Variants in TENM1 observed in about 807,000 individuals in gnomAD.
The protein encoded by TENM1 is teneurin transmembrane protein 1, also known as teneurin-1.
Under a neutral mutation model 174.8 loss-of-function variants are expected in TENM1, and 35 were observed. That is an observed-to-expected ratio of 0.20 (90% CI 0.15 to 0.27). The LOEUF (loss-of-function observed/expected upper bound fraction) is 0.27, where lower values mean the gene tolerates loss of function less well. Ranked by LOEUF, TENM1 falls within the 10% of genes least tolerant of loss-of-function variation. The pLI, the probability that TENM1 is intolerant of heterozygous loss-of-function variation, is 1.00. For synonymous variants in TENM1, 781 were observed against 798.7 expected (o/e 0.98, Z 0.37); for missense variants, 1,633 against 2,130.1 (o/e 0.77, Z 4.59).
At chrX:124,377,767 G>A (rs2060117804) in exon 32 of TENM1, 1 of 111,863 alleles carries the variant, frequency 8.9e-6, no homozygotes, top group Non-Finnish European at 1.9e-5. Context: ...TCAGCCATCT[G>A]TCTGCTGGGT....
chrX:124,432,845 G>A (rs1463329476), intron 23 of TENM1, among the ~76,000 whole-genome samples: 4 of 112,334 alleles, frequency 3.6e-5, no homozygotes, highest in Non-Finnish European at 5.6e-5. Flanking sequence ...AAGTGTGGAA[G>A]CACCCACACT....
chrX:124,572,717 C>G (rs1170032532), intron 11 of TENM1, among the ~76,000 whole-genome samples: 1 of 110,602 alleles, frequency 9.0e-6, no homozygotes, highest in Non-Finnish European at 1.9e-5. Flanking sequence ...CAATAGCATG[C>G]CTAGATATTG....
Position 124,520,795 on chromosome X carries a change from A to C in TENM1, c.3034-11T>G. ...TTCCTCCTGTACAACCTGAAATAAA[A>C]AAAAAAAAAAAAAGCCAAATAGGCT... On this transcript the variant is annotated splice_polypyrimidine_tract_variant and intron_variant, in intron 17 of 31. Coordinates refer to ENST00000422452, the Ensembl canonical transcript of TENM1. The C allele has an allele frequency of 1.1e-6, 1 of 921,412 alleles. No individual in the cohort carries two copies. Among genetic ancestry groups the C allele is most frequent in the Non-Finnish European group, 1.4e-6 (1 of 706,990 alleles). The allele number at this position is 921,412 out of a possible 1,213,427, so 75.9% of individuals were successfully genotyped here.
the TENM1 span, among the ~76,000 whole-genome samples, chrX:125,183,478 T>C: frequency 1.8e-5 from 2 of 111,983 alleles, no homozygotes; most frequent in East Asian, 2.8e-4. Flanking sequence ...AGGTGCCAGA[T>C]TGAAAGCATT....
intron 3 of TENM1, among the ~76,000 whole-genome samples, chrX:124,860,291 G>A (rs940752526): frequency 8.9e-6 from 1 of 111,747 alleles, no homozygotes; most frequent in Non-Finnish European, 1.9e-5. Flanking sequence ...TCTTATACCA[G>A]CTGGCAAGTT....
the TENM1 span, among the ~76,000 whole-genome samples, chrX:125,077,219 C>A: frequency 9.0e-6 from 1 of 111,187 alleles, no homozygotes. Flanking sequence ...TTTTAAACAG[C>A]ATCTTACCTT....
chrX:124,706,981 G>A (rs2052922935), intron 4 of TENM1, among the ~76,000 whole-genome samples: 1 of 93,475 alleles, frequency 1.1e-5, no homozygotes, highest in South Asian at 5.2e-4. Context: ...ACGGAGTCTC[G>A]CTGTCACCCA....
At chrX:124,746,820 A>C (rs1030143682) in intron 3 of TENM1, among the ~76,000 whole-genome samples, 1 of 110,952 alleles carries the variant, frequency 9.0e-6, no homozygotes, top group Admixed American at 9.7e-5. Context: ...CTAGTGGATC[A>C]AGTGAAATGT....
At chrX:124,666,430 C>G (rs759325129) in intron 6 of TENM1, among the ~76,000 whole-genome samples, 4 of 111,713 alleles carry the variant, frequency 3.6e-5, no homozygotes, top group Non-Finnish European at 5.6e-5. Flanking sequence ...AAGAAATTCC[C>G]CAACCTTTTG....
chrX:125,108,703 A>G, the TENM1 span, among the ~76,000 whole-genome samples: 1 of 108,266 alleles, frequency 9.2e-6, no homozygotes, highest in East Asian at 2.9e-4. Context: ...TCTCAAAAAA[A>G]AGGGCTTTAA....
exon 8 of TENM1, chrX:124,652,018 T>C (rs2051321172): frequency 8.3e-7 from 1 of 1,211,892 alleles, no homozygotes; most frequent in Non-Finnish European, 1.1e-6. Flanking sequence ...ACCTGTCTCC[T>C]GAAGCGAAGT....
the TENM1 span, among the ~76,000 whole-genome samples, chrX:125,154,204 A>G: frequency 9.0e-6 from 1 of 110,671 alleles, no homozygotes; most frequent in Non-Finnish European, 1.9e-5. Context: ...ATTTGGAGCC[A>G]ATATACACTA....
intron 3 of TENM1, among the ~76,000 whole-genome samples, chrX:124,820,057 G>A (rs1285763731): frequency 1.8e-5 from 2 of 110,731 alleles, no homozygotes; most frequent in African/African-American, 6.6e-5. Flanking sequence ...AAAGCGCTGG[G>A]TGCTGGGATT....
intron 3 of TENM1, among the ~76,000 whole-genome samples, chrX:124,838,126 T>A (rs747021372): frequency 1.8e-5 from 2 of 112,405 alleles, no homozygotes; most frequent in South Asian, 7.3e-4. Flanking sequence ...GGGAAACGCA[T>A]AAGCAATTAG....
the TENM1 span, among the ~76,000 whole-genome samples, chrX:125,088,068 G>A: frequency 4.6e-4 from 51 of 110,913 alleles, no homozygotes; most frequent in Non-Finnish European, 5.1e-4. Flanking sequence ...GGTGATCTAA[G>A]GCCAGCATTA....
chrX:124,537,181 A>G (rs2048223534), intron 15 of TENM1, among the ~76,000 whole-genome samples: 1 of 111,375 alleles, frequency 9.0e-6, no homozygotes. Context: ...CTCCCCGGTT[A>G]CCTCACAAAG....
intron 3 of TENM1, among the ~76,000 whole-genome samples, chrX:124,886,464 T>C (rs1368340878): frequency 1.9e-5 from 2 of 105,013 alleles, no homozygotes; most frequent in Admixed American, 1.1e-4. Flanking sequence ...AAATTAAATT[T>C]TTAAGCAATT....
intron 6 of TENM1, among the ~76,000 whole-genome samples, chrX:124,669,618 C>A (rs1048871630): frequency 1.0e-4 from 11 of 110,416 alleles, no homozygotes; most frequent in African/African-American, 3.6e-4. Context: ...CCTAATACAG[C>A]AAAACCATGA....
intron 22 of TENM1, among the ~76,000 whole-genome samples, chrX:124,462,284 A>C (rs747483914): frequency 9.0e-6 from 1 of 110,625 alleles, no homozygotes; most frequent in South Asian, 3.9e-4. Flanking sequence ...GGCATTGAGG[A>C]ATCACTAGAT....
Sources: allele counts gnomAD v4.1 joint callset (sites outside exome capture counted in the v4.1 genomes callset), GRCh38; gene constraint gnomAD v4.1.1; transcripts MANE v1.5; gene names NCBI Gene and HGNC (gene_info 2026-07-23, HGNC 2026-07-21).